ADCY7: variants seen among roughly 807,000 people sequenced by gnomAD.
The protein encoded by ADCY7 is adenylate cyclase type 7.
ADCY7 carries 72 observed loss-of-function variants against 120.6 expected under a neutral mutation model. That is an observed-to-expected ratio of 0.60 (90% CI 0.49 to 0.73). ADCY7 has a LOEUF of 0.73. ADCY7 is among the 30% of genes least tolerant of loss of function. The pLI is 0.00. For synonymous variants in ADCY7, 661 were observed against 628.0 expected (o/e 1.05, Z -0.78); for missense variants, 1,227 against 1,486.0 (o/e 0.83, Z 2.87).
In ADCY7 at chr16:50,311,795, G is replaced by A. The variant is rs1458572675; in HGVS notation, c.2448+9G>A. 1.3e-6 allele frequency: 2 copies of A among 1,488,550 alleles called. No individual in the cohort carries two copies. The highest frequency in any genetic ancestry group is 1.2e-5 in the South Asian group (1 of 84,474). The allele number at this position is 1,488,550 out of a possible 1,614,324, so 92.2% of individuals were successfully genotyped here. On this transcript the variant is annotated intron_variant, in intron 20 of 25. Coordinates refer to ENST00000673801, the MANE Select transcript of ADCY7 (RefSeq NM_001114.5). ...TTACACTCTCCAGACAGGTAAGGAG[G>A]CTGGCCCCCCCCCCCCCCCCAAGCT... is the stretch of plus-strand genomic sequence containing the variant.
chr16:50,252,094 C>T (rs927405146), intron 1 of ADCY7, among the ~76,000 whole-genome samples: 5 of 152,086 alleles, frequency 3.3e-5, no homozygotes, highest in South Asian at 2.1e-4. Context: ...TCGCTGACCA[C>T]GCCTTGAGGA....
intron 1 of ADCY7, among the ~76,000 whole-genome samples, chr16:50,284,169 G>A (rs1289526617): frequency 1.3e-5 from 2 of 152,178 alleles, no homozygotes; most frequent in Non-Finnish European, 2.9e-5. Context: ...ACATGCCACT[G>A]GTGGTGGGTT....
chr16:50,291,035 G>T (rs1221513379), intron 3 of ADCY7, among the ~76,000 whole-genome samples: 1 of 152,162 alleles, frequency 6.6e-6, no homozygotes, highest in African/African-American at 2.4e-5. Context: ...GTCCCCAGGT[G>T]GGGGCAGAGA....
intron 1 of ADCY7, among the ~76,000 whole-genome samples, chr16:50,261,123 C>T (rs1441456861): frequency 6.6e-6 from 1 of 152,234 alleles, no homozygotes; most frequent in Non-Finnish European, 1.5e-5. Flanking sequence ...CTGAGTCTCA[C>T]ACCCATTCCT....
rs747127650 is a variant in ADCY7 at position 50,291,838 on chromosome 16, C to G, written c.478C>G (p.Leu160Val). The G allele has an allele frequency of 6.8e-6, 11 of 1,613,960 alleles. No individual in the cohort carries two copies. In the Admixed American group the frequency reaches 1.8e-4, roughly 27 times the overall value. ...VGAVSTASHL[L>V]VLGSLMGGFT... ...GGCCGTCTCCACTGCCTCCCACCTCCTGGTGCTCGGTTCTTTGATGGGAGG... is the reference window on the plus strand; with the variant it reads ...GGCCGTCTCCACTGCCTCCCACCTCGTGGTGCTCGGTTCTTTGATGGGAGG... Residue 160 changes from leucine (L) to valine (V), a missense_variant, in exon 4 of 26, where the codon CTG becomes GTG. Leu to Val is a conservative substitution (Grantham distance 32). This residue lies in a region of ADCY7 where 382 missense variants were observed against 411.4 expected (regional missense o/e 0.93). Coordinates refer to ENST00000673801, the MANE Select transcript of ADCY7 (RefSeq NM_001114.5).
chr16:50,306,416 G>C (rs891943491), intron 14 of ADCY7, among the ~76,000 whole-genome samples: 4 of 152,206 alleles, frequency 2.6e-5, no homozygotes, highest in African/African-American at 9.7e-5. Context: ...GTGGCTCCCT[G>C]AGTTGGGGGC....
At position 50,300,996 on chromosome 16, in the gene ADCY7, G is replaced by T. The variant is rs546481887; in HGVS notation, c.1236-86G>T. The T allele has an allele frequency of 3.2e-6, 5 of 1,554,722 alleles. No individual in the cohort carries two copies. In the East Asian group the frequency reaches 1.2e-4, roughly 36 times the overall value. ...GATGAATGTAGAAAAGCTGGCCTGGGGCCCAGGCCTGCCTGCTGTGCATCC... is the reference window on the plus strand; with the variant it reads ...GATGAATGTAGAAAAGCTGGCCTGGTGCCCAGGCCTGCCTGCTGTGCATCC... On this transcript the variant is annotated intron_variant, in intron 9 of 25. Coordinates refer to ENST00000673801, the MANE Select transcript of ADCY7 (RefSeq NM_001114.5).
rs1266940469 is a variant in ADCY7 at position 50,298,938 on chromosome 16, A to T, written c.983A>T (p.Asp328Val). The T allele has an allele frequency of 6.2e-7, 1 of 1,613,922 alleles. No homozygotes were observed. Among genetic ancestry groups the T allele is most frequent in the Admixed American group, 1.7e-5 (1 of 60,016 alleles). ...TGCATGCGAATCAAGATCCTCGGCG[A>T]CTGCTACTACTGTGTATCGGGCCTG... Reference protein sequence around the residue: ...NECMRIKILGDCYYCVSGLPV... With the variant: ...NECMRIKILGVCYYCVSGLPV... Residue 328 changes from aspartate to valine, a missense_variant, in exon 8 of 26, where the codon GAC becomes GTC. Asp to Val is a radical substitution (Grantham distance 152). Around this residue, in one of 5 missense-constraint regions of ADCY7, gnomAD observed 332 missense variants for 455.8 expected, o/e 0.73. Transcript: ENST00000673801.
At chr16:50,282,441 T>G (rs1306208169) in intron 1 of ADCY7, among the ~76,000 whole-genome samples, 1 of 152,152 alleles carries the variant, frequency 6.6e-6, no homozygotes. Flanking sequence ...CTGCCTTAGT[T>G]GCAGGGAAGG....
chr16:50,308,466 C>T, intron 16 of ADCY7, 55 bp downstream of exon 16: 3 of 1,608,364 alleles, frequency 1.9e-6, no homozygotes, highest in Middle Eastern at 1.8e-4. Flanking sequence ...AGGACACCTG[C>T]CTAGGAGCCC....
intron 2 of ADCY7, among the ~76,000 whole-genome samples, chr16:50,288,923 G>C (rs1008624381): frequency 6.6e-6 from 1 of 152,026 alleles, no homozygotes; most frequent in African/African-American, 2.4e-5. Context: ...TTATCCTCCT[G>C]AGTAGCTGGG....
intron 10 of ADCY7, among the ~76,000 whole-genome samples, chr16:50,302,416 C>T (rs895836299): frequency 2.4e-4 from 37 of 152,310 alleles, no homozygotes; most frequent in African/African-American, 8.9e-4. Context: ...AATCCACCCC[C>T]GCAGGCTGCC....
rs1301016069 is a variant in ADCY7, at chr16:50,314,448, T to TA, written c.2971+43dup. 2.0e-6 allele frequency: 3 copies of TA among 1,494,876 alleles called. No individual in the cohort carries two copies. The East Asian group carries it at 6.8e-5, about 34-fold the overall frequency. 92.6% of individuals were successfully genotyped at this position (1,494,876 alleles called of 1,614,324 possible). On this transcript the variant is annotated intron_variant, in intron 24 of 25. Coordinates refer to ENST00000673801, the MANE Select transcript of ADCY7 (RefSeq NM_001114.5). ...GAGCGGGGTGGGGAGCCCCTGCCTC[T>TA]AGGCCAGTCCACCCAGTCTGTGTGG...
At chr16:50,246,554 A>G (rs1250771872) in intron 1 of ADCY7, among the ~76,000 whole-genome samples, 2 of 152,144 alleles carry the variant, frequency 1.3e-5, no homozygotes, top group African/African-American at 4.8e-5. Context: ...CGACTGGCTT[A>G]GGGCACAGAA....
At chr16:50,261,479 G>T (rs1403615213) in intron 1 of ADCY7, among the ~76,000 whole-genome samples, 1 of 151,034 alleles carries the variant, frequency 6.6e-6, no homozygotes, top group Non-Finnish European at 1.5e-5. Context: ...GCCTCTGGAG[G>T]CACAGGCAAG....
chr16:50,255,263 C>T (rs1351868539), intron 1 of ADCY7, among the ~76,000 whole-genome samples: 1 of 151,150 alleles, frequency 6.6e-6, no homozygotes, highest in Non-Finnish European at 1.5e-5. Flanking sequence ...TGCCACTGTA[C>T]ACCAGCCTAG....
chr16:50,285,671 G>A (rs1482447880), intron 1 of ADCY7, among the ~76,000 whole-genome samples: 3 of 152,204 alleles, frequency 2.0e-5, no homozygotes, highest in African/African-American at 7.2e-5. Flanking sequence ...TCTGAGGCAG[G>A]CCTGGAGGAC....
At chr16:50,287,825 G>A (rs918114685) in intron 1 of ADCY7, 87 bp from the exon 2 acceptor site, 3 of 262,400 alleles carry the variant, frequency 1.1e-5, no homozygotes, top group Non-Finnish European at 2.2e-5. Flanking sequence ...ACTTGGTGCT[G>A]TGAGGCCTGG....
At chr16:50,294,034 C>A (rs1166847235) in intron 6 of ADCY7, among the ~76,000 whole-genome samples, 1 of 152,110 alleles carries the variant, frequency 6.6e-6, no homozygotes, top group Non-Finnish European at 1.5e-5. Flanking sequence ...CTGCCTGCAG[C>A]GCCAGCATTA....
Sources: allele counts gnomAD v4.1 joint callset (sites outside exome capture counted in the v4.1 genomes callset), GRCh38; gene constraint gnomAD v4.1.1; regional missense constraint gnomAD v4.1.1; transcripts MANE v1.5; gene names NCBI Gene and HGNC (gene_info 2026-07-23, HGNC 2026-07-21).